Variants in FILIP1L observed in about 807,000 individuals in gnomAD.
FILIP1L encodes the protein filamin A interacting protein 1 like, also known as filamin A-interacting protein 1-like.
In FILIP1L, 55 loss-of-function variants were observed where a neutral mutation model predicts 96.6. The observed-to-expected ratio is 0.57, with a 90% CI of 0.46 to 0.71. FILIP1L has a LOEUF of 0.71. Among genes scored for constraint, FILIP1L ranks in the 30% least tolerant of loss-of-function variants. The pLI, the probability that FILIP1L is intolerant of heterozygous loss-of-function variation, is 0.00. For synonymous variants in FILIP1L, 467 were observed against 473.9 expected, an observed-to-expected ratio of 0.99 and a Z score of 0.19; for missense variants, 1,304 against 1,321.2, an observed-to-expected ratio of 0.99 and a Z score of 0.20.
chr3:99,998,285 A>G lies in FILIP1L; in HGVS notation c.-10-67255T>C, dbSNP rs186699621. 2.6e-5 allele frequency among the ~76,000 whole-genome samples: 4 copies of G among 152,338 alleles called. No homozygotes were observed. In the East Asian group the frequency reaches 7.7e-4, roughly 29 times the overall value. ...CCTAGATATCCCTAATTTAGATCTGAAAATGTCTTTCTTGGAATGTTTTCT... is the reference window on the plus strand; with the variant it reads ...CCTAGATATCCCTAATTTAGATCTGGAAATGTCTTTCTTGGAATGTTTTCT... On this transcript the variant is annotated intron_variant, in intron 1 of 5. Transcript: ENST00000477258.
At chr3:99,953,965 TC>T (rs1280748027) in intron 1 of FILIP1L, among the ~76,000 whole-genome samples, 1 of 152,214 alleles carries the variant, frequency 6.6e-6, no homozygotes, top group Non-Finnish European at 1.5e-5. Flanking sequence ...CTCTTAAAGC[TC>T]CCCTGCAGTC....
At chr3:100,014,205 T>TTA (rs1484837961) in intron 1 of FILIP1L, among the ~76,000 whole-genome samples, 12 of 151,002 alleles carry the variant, frequency 7.9e-5, no homozygotes, top group Non-Finnish European at 1.2e-4. Context: ...TATATATATA[T>TTA]TATATATATA....
chr3:100,079,562 A>C (rs143556398), intron 1 of FILIP1L, among the ~76,000 whole-genome samples: 1 of 152,232 alleles, frequency 6.6e-6, no homozygotes, highest in African/African-American at 2.4e-5. Flanking sequence ...TTTATTTTTG[A>C]ATAGATACAG....
At position 99,833,293 on chromosome 3, in the gene FILIP1L, T is replaced by G. The variant is rs752473084; in HGVS notation, c.3382-2688A>C. The G allele has an allele frequency of 2.5e-6, 4 of 1,572,140 alleles. No individual in the cohort carries two copies. In the Admixed American group the frequency reaches 7.0e-5, roughly 27 times the overall value. On this transcript the variant is annotated intron_variant, in intron 5 of 5. Coordinates refer to ENST00000477258, the MANE Select transcript of FILIP1L (RefSeq NM_001387850.1). The stretch of plus-strand genomic sequence containing the variant: ...AGCAGTAGAAAGAAGAGGAGTAAAT[T>G]TGTGGAATATATTAAATTCTAAAAG...
chr3:99,939,222 C>A (rs1169754583), intron 1 of FILIP1L, among the ~76,000 whole-genome samples: 1 of 152,180 alleles, frequency 6.6e-6, no homozygotes, highest in Non-Finnish European at 1.5e-5. Flanking sequence ...TTAGTATTTT[C>A]CATCATCACC....
chr3:100,049,211 C>T (rs944869736), intron 1 of FILIP1L, among the ~76,000 whole-genome samples: 1 of 152,170 alleles, frequency 6.6e-6, no homozygotes, highest in African/African-American at 2.4e-5. Flanking sequence ...ATTATAGAAA[C>T]GTGGCAATAA....
At chr3:99,895,603 T>C (rs550872867) in intron 4 of FILIP1L, among the ~76,000 whole-genome samples, 2 of 152,310 alleles carry the variant, frequency 1.3e-5, no homozygotes, top group South Asian at 4.1e-4. Flanking sequence ...TTTTAACCTA[T>C]AGATTGGTTT....
At chr3:99,920,033 G>GGT (rs1707075879) in intron 4 of FILIP1L, among the ~76,000 whole-genome samples, 1 of 152,148 alleles carries the variant, frequency 6.6e-6, no homozygotes, top group Non-Finnish European at 1.5e-5. Flanking sequence ...TTACAAAACT[G>GGT]AACTATCAGT....
chr3:99,848,231 C>A, intron 5 of FILIP1L, 64 bp downstream of exon 5: 1 of 1,585,916 alleles, frequency 6.3e-7, no homozygotes. Context: ...GGATTGAGTT[C>A]CTTGCAAAAA....
intron 1 of FILIP1L, among the ~76,000 whole-genome samples, chr3:99,994,657 A>G (rs1387432656): frequency 6.6e-6 from 1 of 152,194 alleles, no homozygotes; most frequent in Admixed American, 6.5e-5. Context: ...GTCCATTTTC[A>G]CACTGCTGAT....
intron 1 of FILIP1L, among the ~76,000 whole-genome samples, chr3:99,975,274 G>A (rs1056263938): frequency 3.9e-5 from 6 of 152,062 alleles, no homozygotes; most frequent in Non-Finnish European, 8.8e-5. Flanking sequence ...CTTCTAGTTC[G>A]AGGAACTGTT....
intron 1 of FILIP1L, among the ~76,000 whole-genome samples, chr3:100,096,306 C>T (rs2066207215): frequency 6.6e-6 from 1 of 152,186 alleles, no homozygotes; most frequent in South Asian, 2.1e-4. Flanking sequence ...GAGAGATCTA[C>T]ACTCCCATGT....
chr3:99,984,738 G>T (rs1222560792), intron 1 of FILIP1L, among the ~76,000 whole-genome samples: 1 of 152,162 alleles, frequency 6.6e-6, no homozygotes, highest in Admixed American at 6.6e-5. Context: ...AGAATAGAAA[G>T]ATCTATGTTT....
At chr3:99,876,842 G>T (rs1705550855) in intron 4 of FILIP1L, among the ~76,000 whole-genome samples, 1 of 152,122 alleles carries the variant, frequency 6.6e-6, no homozygotes, top group South Asian at 2.1e-4. Flanking sequence ...AACGAAAGCA[G>T]TTAAAACTAT....
intron 1 of FILIP1L, among the ~76,000 whole-genome samples, chr3:99,997,698 G>A (rs1459468487): frequency 6.6e-6 from 1 of 152,100 alleles, no homozygotes; most frequent in Admixed American, 6.5e-5. Flanking sequence ...GAATAATAGA[G>A]CAGATTTATT....
At chr3:100,048,183 T>A (rs1178216748) in intron 1 of FILIP1L, among the ~76,000 whole-genome samples, 5 of 152,320 alleles carry the variant, frequency 3.3e-5, no homozygotes, top group Non-Finnish European at 5.9e-5. Context: ...TGAACAGCCC[T>A]CAGGGAAGGG....
At chr3:100,069,835 G>C (rs1007276728) in intron 1 of FILIP1L, among the ~76,000 whole-genome samples, 1 of 152,130 alleles carries the variant, frequency 6.6e-6, no homozygotes, top group Non-Finnish European at 1.5e-5. Context: ...TTTGCCCTAC[G>C]AGAGGGAGCT....
chr3:99,876,264 G>A (rs148342168), intron 4 of FILIP1L: 68,982 of 974,026 alleles, frequency 0.071, 2,699 homozygotes, highest in South Asian at 0.13. Context: ...GTCGGCGGGG[G>A]CGCCGGTGAC....
chr3:99,983,391 T>TAAATAAATAA (rs1249848576), intron 1 of FILIP1L, among the ~76,000 whole-genome samples: 16 of 16,100 alleles, frequency 9.9e-4, no homozygotes, highest in African/African-American at 1.5e-3. Flanking sequence ...AATAAATAAA[T>TAAATAAATAA]ATATATATAT....
Sources: gnomAD v4.1 joint callset for allele counts (sites outside exome capture counted in the v4.1 genomes callset) on GRCh38, gnomAD v4.1.1 for gene constraint, MANE v1.5 for transcripts, NCBI Gene and HGNC (gene_info 2026-07-23, HGNC 2026-07-21) for gene names.